The following KDM2A variants were observed in gnomAD, a reference collection of about 807,000 sequenced individuals.
KDM2A encodes lysine demethylase 2A.
A neutral mutation model predicts 137.3 loss-of-function variants in KDM2A; 3 were observed. The ratio of observed to expected loss-of-function variants is 0.02; its 90% CI spans 0.01 to 0.06. The LOEUF is 0.06. Ranked by LOEUF, KDM2A falls within the 10% of genes least tolerant of loss-of-function variation. The pLI is 1.00. For synonymous variants in KDM2A, 512 were observed against 541.5 expected (o/e 0.95, Z 0.76); for missense variants, 738 against 1,510.6 (o/e 0.49, Z 8.48).
chr11:67,233,894 G>A (rs1000443905), intron 12 of KDM2A, among the ~76,000 whole-genome samples: 2 of 152,094 alleles, frequency 1.3e-5, no homozygotes, highest in African/African-American at 2.4e-5. Context: ...ACTGAAAAAC[G>A]TGACTGCCAT....
intron 2 of KDM2A, among the ~76,000 whole-genome samples, chr11:67,164,711 C>T (rs61891344): frequency 0.03 from 4,615 of 151,872 alleles, 104 homozygotes; most frequent in African/African-American, 0.065. Context: ...ACCTCCACCT[C>T]CCAGGGTCAA....
intron 18 of KDM2A, 24 bp downstream of exon 18, chr11:67,252,881 T>C (rs1394232846): frequency 1.3e-6 from 2 of 1,587,206 alleles, no homozygotes; most frequent in African/African-American, 2.7e-5. Context: ...CCTGCCGCTG[T>C]CTTTCCAGGG....
At chr11:67,122,686 TA>T (rs1711548738) in intron 2 of KDM2A, among the ~76,000 whole-genome samples, 1 of 146,156 alleles carries the variant, frequency 6.8e-6, no homozygotes, top group South Asian at 2.1e-4. Context: ...TTTATTTATT[TA>T]TTTTTTGAGA....
intron 10 of KDM2A, among the ~76,000 whole-genome samples, chr11:67,223,639 G>C (rs1283579432): frequency 6.6e-6 from 1 of 151,970 alleles, no homozygotes; most frequent in African/African-American, 2.4e-5. Flanking sequence ...CAAACTCCTG[G>C]GCTCAAGCAG....
At chr11:67,199,769 A>G (rs1386340173) in intron 5 of KDM2A, among the ~76,000 whole-genome samples, 1 of 152,252 alleles carries the variant, frequency 6.6e-6, no homozygotes, top group African/African-American at 2.4e-5. Flanking sequence ...AGAACCAGCT[A>G]GGATCATTGA....
intron 2 of KDM2A, among the ~76,000 whole-genome samples, chr11:67,155,937 T>TAAAAAAAAA (rs770113717): frequency 9.6e-6 from 1 of 104,264 alleles, no homozygotes; most frequent in Non-Finnish European, 1.8e-5. Flanking sequence ...TTTAAACGGC[T>TAAAAAAAAA]AAAAAAAAAA....
At chr11:67,167,806 A>C (rs951034191) in intron 2 of KDM2A, among the ~76,000 whole-genome samples, 1 of 152,162 alleles carries the variant, frequency 6.6e-6, no homozygotes, top group South Asian at 2.1e-4. Context: ...AATGTATTTG[A>C]AGGCTGACCT....
Position 67,254,884 on chromosome 11 carries a change from A to G in KDM2A, c.3318A>G (p.Lys1106=). 1.2e-6 allele frequency: 2 copies of G among 1,613,896 alleles called. No homozygotes were observed. Among genetic ancestry groups the G allele is most frequent in the Non-Finnish European group, 1.7e-6 (2 of 1,179,820 alleles). The change falls in exon 21 of 21, where the codon AAA becomes AAG. Residue 1106 remains lysine, a synonymous_variant. Transcript: ENST00000529006. This position sits in a 1 kb window ranked among gnomAD's most constrained non-coding sequence, Gnocchi z 4.7. ...CCACTTTCCCGACAGGTTGCAATAA[A>G]TTGACAGACCAGACCCTGATCTACC... ...LTELNMAGCN[K]LTDQTLIYLR... is the part of the protein sequence containing the mutation.
intron 2 of KDM2A, among the ~76,000 whole-genome samples, chr11:67,174,666 A>G (rs1010602846): frequency 6.6e-6 from 1 of 152,190 alleles, no homozygotes. Context: ...CACTTTATAT[A>G]GTTAATTACG....
intron 5 of KDM2A, among the ~76,000 whole-genome samples, chr11:67,201,761 A>G: frequency 8.2e-6 from 1 of 121,734 alleles, no homozygotes; most frequent in South Asian, 3.0e-4. Context: ...CAACAGAGCT[A>G]GACTCCATCT....
intron 2 of KDM2A, among the ~76,000 whole-genome samples, chr11:67,139,122 T>C (rs995266620): frequency 2.0e-5 from 3 of 152,120 alleles, no homozygotes; most frequent in African/African-American, 4.8e-5. Context: ...TAAATAACCT[T>C]CAGTGAGTAC....
intron 2 of KDM2A, among the ~76,000 whole-genome samples, chr11:67,161,384 T>A (rs1856634569): frequency 6.6e-6 from 1 of 152,200 alleles, no homozygotes; most frequent in South Asian, 2.1e-4. Context: ...GTTTTCAGTC[T>A]ACAGATCATA....
intron 2 of KDM2A, among the ~76,000 whole-genome samples, chr11:67,166,677 C>G (rs1034309170): frequency 6.6e-6 from 1 of 151,394 alleles, no homozygotes; most frequent in Admixed American, 6.6e-5. Flanking sequence ...ATGCAGTATA[C>G]AGATCAGGTA....
Position 67,254,384 on chromosome 11 carries a change from C to T in KDM2A, c.3273C>T (p.Ser1091=), listed in dbSNP as rs1271722207. 1 of 1,613,908 alleles carries T rather than the reference C, an allele frequency of 6.2e-7. No homozygotes were observed. The highest frequency in any genetic ancestry group is 1.3e-5 in the African/African-American group (1 of 74,934). ...ATCTACTCACTGCTGTCGGGTCTTCCACTCGCTACTCTCTCACAGAGCTCA... is the reference window on the plus strand; with the variant it reads ...ATCTACTCACTGCTGTCGGGTCTTCTACTCGCTACTCTCTCACAGAGCTCA... ...SSNLLTAVGS[S]TRYSLTELNM... Residue 1091 remains serine (S), a synonymous_variant, in exon 20 of 21, where the codon TCC becomes TCT. Coordinates refer to ENST00000529006, the MANE Select transcript of KDM2A (RefSeq NM_012308.3). This position sits in a 1 kb window ranked among gnomAD's most constrained non-coding sequence, Gnocchi z 4.7.
At position 67,245,070 on chromosome 11, in the gene KDM2A, T is replaced by A. The variant is rs894847870; in HGVS notation, c.1564-119T>A. On this transcript the variant is annotated intron_variant, in intron 13 of 20. Coordinates refer to ENST00000529006, the MANE Select transcript of KDM2A (RefSeq NM_012308.3). This position sits in a 1 kb window ranked among gnomAD's most constrained non-coding sequence, Gnocchi z 4.1. ...TAAAATTTATTCTAGAAACAAGCAGTGGGCAGATCTGGCCATAGTGGGCCA... is the reference window on the plus strand; with the variant it reads ...TAAAATTTATTCTAGAAACAAGCAGAGGGCAGATCTGGCCATAGTGGGCCA... 5 of 1,015,234 alleles carry A rather than the reference T, an allele frequency of 4.9e-6. No homozygotes were observed. The highest frequency in any genetic ancestry group is 5.8e-6 in the Non-Finnish European group (4 of 688,736). 62.9% of individuals were successfully genotyped at this position (1,015,234 alleles called of 1,614,324 possible).
intron 5 of KDM2A, chr11:67,196,204 G>A (rs573597276): frequency 1.8e-5 from 8 of 452,620 alleles, no homozygotes; most frequent in African/African-American, 8.0e-5. Flanking sequence ...ATCATCCATG[G>A]TGCACGAGCA....
At chr11:67,178,413 AAAAAT>A (rs563812620) in intron 2 of KDM2A, among the ~76,000 whole-genome samples, 82 of 151,806 alleles carry the variant, frequency 5.4e-4, no homozygotes, top group African/African-American at 1.8e-3. Context: ...TCAGAAAATA[AAAAAT>A]AAAATAAAGT....
At chr11:67,177,483 T>C (rs1856996200) in intron 2 of KDM2A, among the ~76,000 whole-genome samples, 1 of 152,112 alleles carries the variant, frequency 6.6e-6, no homozygotes, top group Non-Finnish European at 1.5e-5. Flanking sequence ...ACTTTTTTGT[T>C]AAAAACCAAG....
chr11:67,128,340 C>T (rs952809579), intron 2 of KDM2A, among the ~76,000 whole-genome samples: 7 of 151,994 alleles, frequency 4.6e-5, no homozygotes, highest in Non-Finnish European at 1.0e-4. Context: ...TGAGGTCTTT[C>T]TGACTGAGAA....
Sources: gnomAD v4.1 joint callset for allele counts (sites outside exome capture counted in the v4.1 genomes callset) on GRCh38, gnomAD v4.1.1 for gene constraint, Gnocchi (gnomAD v3.1) non-coding constraint, MANE v1.5 for transcripts, NCBI Gene and HGNC (gene_info 2026-07-23, HGNC 2026-07-21) for gene names.